Variants in E4F1 observed in about 807,000 individuals in gnomAD.
The protein encoded by E4F1 is transcription factor E4F1.
A neutral mutation model predicts 72.9 loss-of-function variants in E4F1; 30 were observed. The ratio of observed to expected loss-of-function variants is 0.41; its 90% CI spans 0.31 to 0.56. The LOEUF (loss-of-function observed/expected upper bound fraction) is 0.56. E4F1 is among the 20% of genes least tolerant of loss of function. E4F1 has a pLI of 0.25. For synonymous variants in E4F1, 542 were observed against 478.2 expected, an observed-to-expected ratio of 1.13 and a Z score of -1.74; for missense variants, 1,091 against 1,117.5, an observed-to-expected ratio of 0.98 and a Z score of 0.34.
chr16:2,229,704 T>G, intron 3 of E4F1, 29 bp downstream of exon 3: 1 of 1,608,270 alleles, frequency 6.2e-7, no homozygotes, highest in Non-Finnish European at 8.5e-7. Flanking sequence ...ATCGCTGGCC[T>G]GATAGACCTT....
Position 2,226,097 on chromosome 16 carries a change from GA to G in E4F1, c.158-2263del, listed in dbSNP as rs370894816. ...AACAAAGCGAGACTCCGCCTTGAAA[GA>G]AAAAAAAAAAAGATGCAGATTGGGT... On this transcript the variant is annotated intron_variant, in intron 1 of 13. Transcript: ENST00000301727. Among the ~76,000 whole-genome samples, 1,176 of 143,584 alleles carry G rather than the reference GA, an allele frequency of 8.2e-3. 8 individuals carry two copies. The highest frequency in any genetic ancestry group is 0.022 in the East Asian group (107 of 4,950). The allele number at this position is 143,584 out of a possible 152,430, so 94.2% of individuals were successfully genotyped here.
intron 1 of E4F1, among the ~76,000 whole-genome samples, chr16:2,226,222 G>C (rs1020476920): frequency 6.6e-6 from 1 of 152,130 alleles, no homozygotes; most frequent in Admixed American, 6.5e-5. Flanking sequence ...GCCCCTTCTC[G>C]TTCCAGCTTG....
chr16:2,235,701 AAG>A lies in E4F1; in HGVS notation c.*132_*133del. The A allele has an allele frequency of 1.3e-6, 1 of 751,452 alleles. No individual in the cohort carries two copies. Among genetic ancestry groups the A allele is most frequent in the East Asian group, 2.8e-5 (1 of 36,162 alleles). The allele number at this position is 751,452 out of a possible 1,614,324, so 46.5% of individuals were successfully genotyped here. On this transcript the variant is annotated 3_prime_UTR_variant, in exon 14 of 14. Transcript: ENST00000301727. The stretch of plus-strand genomic sequence containing the variant: ...GCGCCCCAAGACGGACAGTGTACAT[AAG>A]AGTTTCTTGTTGCTTTACAATAAAA...
chr16:2,225,817 T>C (rs1596752517), intron 1 of E4F1, among the ~76,000 whole-genome samples: 1 of 142,958 alleles, frequency 7.0e-6, no homozygotes, highest in Non-Finnish European at 1.5e-5. Flanking sequence ...AAAAAAAGGC[T>C]GGGCGCAATG....
In E4F1 at chr16:2,232,207, A is replaced by G; in HGVS notation, c.452A>G (p.Glu151Gly). 6.2e-7 allele frequency: 1 copy of G among 1,612,612 alleles called. No individual in the cohort carries two copies. The highest frequency in any genetic ancestry group is 8.5e-7 in the Non-Finnish European group (1 of 1,179,900). ...ATCAAAGAGGTCATCGTGGCTGCTG[A>G]GGCGGAGCTGGGAGACGGTGAGATG... is the stretch of plus-strand genomic sequence containing the variant. ...GHIKEVIVAA[E>G]AELGDGEMAE... The change falls in exon 4 of 14, where the codon GAG becomes GGG. Residue 151 changes from glutamate (E) to glycine (G), a missense_variant. By Grantham distance (98) the Glu-to-Gly change is moderately conservative. Transcript: ENST00000301727.
Position 2,235,666 on chromosome 16 carries a change from C to T in E4F1, c.*94C>T. On this transcript the variant is annotated 3_prime_UTR_variant, in exon 14 of 14. Transcript: ENST00000301727. Reference sequence around the variant, plus strand: ...GCCTGGCCTGGTAGAGAAGATGGCACAGGATGGAGGCGCCCCAAGACGGAC... The same window carrying T: ...GCCTGGCCTGGTAGAGAAGATGGCATAGGATGGAGGCGCCCCAAGACGGAC... The T allele has an allele frequency of 8.8e-7, 1 of 1,139,340 alleles. No individual in the cohort carries two copies. The highest frequency in any genetic ancestry group is 1.2e-6 in the Non-Finnish European group (1 of 820,046). 70.6% of individuals were successfully genotyped at this position (1,139,340 alleles called of 1,614,324 possible). A position where few individuals can be genotyped will look rare whatever the true frequency, so the allele number is the denominator to read the frequency against.
chr16:2,228,503 A>G lies in E4F1; in HGVS notation c.289A>G (p.Thr97Ala), dbSNP rs752025643. Reference sequence around the variant, plus strand: ...GGCCCTGCCTGCCACCCCTGCCACCACAGCGTTGCTGGGCCAGGAGGTGAG... The same window carrying G: ...GGCCCTGCCTGCCACCCCTGCCACCGCAGCGTTGCTGGGCCAGGAGGTGAG... ...PEALPATPATTALLGQEVVPA... is the reference protein window; with the variant it reads ...PEALPATPATAALLGQEVVPA... The change falls in exon 2 of 14, where the codon ACA becomes GCA. Residue 97 changes from threonine to alanine, a missense_variant. By Grantham distance (58) the Thr-to-Ala change is moderately conservative. Transcript: ENST00000301727. 10 of 1,612,854 alleles carry G rather than the reference A, an allele frequency of 6.2e-6. No homozygotes were observed. The highest frequency in any genetic ancestry group is 3.3e-5 in the Admixed American group (2 of 60,010).
rs1357954963 is a variant in E4F1 at position 2,228,422 on chromosome 16, T to G, written c.208T>G (p.Leu70Val). ...CGRCQAEFTALEDFVQHKIQK... is the reference protein window; with the variant it reads ...CGRCQAEFTAVEDFVQHKIQK... ...CCGCTGCCAGGCAGAGTTCACCGCCTTGGAGGATTTTGTTCAGCACAAGAT... is the reference window on the plus strand; with the variant it reads ...CCGCTGCCAGGCAGAGTTCACCGCCGTGGAGGATTTTGTTCAGCACAAGAT... The change falls in exon 2 of 14, where the codon TTG (leucine) becomes GTG (valine). Residue 70 changes from leucine (L) to valine (V), a missense_variant. Physicochemically the swap from Leu to Val is conservative, Grantham distance 32. Coordinates refer to ENST00000301727, the MANE Select transcript of E4F1 (RefSeq NM_004424.5). The G allele has an allele frequency of 2.5e-6, 4 of 1,613,714 alleles. No homozygotes were observed. Among genetic ancestry groups the G allele is most frequent in the Non-Finnish European group, 3.4e-6 (4 of 1,180,012 alleles).
chr16:2,223,923 C>T (rs1033733823), intron 1 of E4F1, 153 bp downstream of exon 1: 2 of 1,530,286 alleles, frequency 1.3e-6, no homozygotes, highest in South Asian at 1.2e-5. Flanking sequence ...CTCCACGAAA[C>T]CCCCAGGTTT....
In E4F1 at chr16:2,235,705, G is replaced by A. The variant is rs990311542; in HGVS notation, c.*133G>A. On this transcript the variant is annotated 3_prime_UTR_variant, in exon 14 of 14. Coordinates refer to ENST00000301727, the MANE Select transcript of E4F1 (RefSeq NM_004424.5). ...CCCAAGACGGACAGTGTACATAAGA[G>A]TTTCTTGTTGCTTTACAATAAAACA... The A allele has an allele frequency of 5.5e-6, 4 of 725,562 alleles. No homozygotes were observed. The Admixed American group carries it at 9.3e-5, about 17-fold the overall frequency. The allele number at this position is 725,562 out of a possible 1,614,324, so 44.9% of individuals were successfully genotyped here.
chr16:2,235,648 C>A lies in E4F1; in HGVS notation c.*76C>A. ...AGCGCCCCACCCATGCCTGCCTGGCCTGGTAGAGAAGATGGCACAGGATGG... is the reference window on the plus strand; with the variant it reads ...AGCGCCCCACCCATGCCTGCCTGGCATGGTAGAGAAGATGGCACAGGATGG... On this transcript the variant is annotated 3_prime_UTR_variant, in exon 14 of 14. Coordinates refer to ENST00000301727, the MANE Select transcript of E4F1 (RefSeq NM_004424.5). 2 of 1,315,662 alleles carry A rather than the reference C, an allele frequency of 1.5e-6. No homozygotes were observed. The highest frequency in any genetic ancestry group is 2.1e-6 in the Non-Finnish European group (2 of 973,524). 81.5% of individuals were successfully genotyped at this position (1,315,662 alleles called of 1,614,324 possible). A position where few individuals can be genotyped will look rare whatever the true frequency, so the allele number is the denominator to read the frequency against.
intron 2 of E4F1, 125 bp from the exon 3 acceptor site, chr16:2,229,445 G>A: frequency 1.0e-6 from 1 of 981,774 alleles, no homozygotes; most frequent in East Asian, 2.4e-5. Context: ...CAAGGACGTG[G>A]ACCCAGGCCT....
Position 2,235,620 on chromosome 16 carries a change from C to T in E4F1, c.*48C>T, listed in dbSNP as rs1056869. ...CCGGGCAGGGACAGGGCAGAGGACT[C>T]TGAGCGCCCCACCCATGCCTGCCTG... On this transcript the variant is annotated 3_prime_UTR_variant, in exon 14 of 14. Transcript: ENST00000301727. The T allele has an allele frequency of 2.0e-6, 3 of 1,484,832 alleles. No homozygotes were observed. The highest frequency in any genetic ancestry group is 2.7e-6 in the Non-Finnish European group (3 of 1,106,164). The allele number at this position is 1,484,832 out of a possible 1,614,324, so 92.0% of individuals were successfully genotyped here. A position where few individuals can be genotyped will look rare whatever the true frequency, so the allele number is the denominator to read the frequency against.
At chr16:2,228,610 C>T in intron 2 of E4F1, 87 bp downstream of exon 2, 4 of 1,500,928 alleles carry the variant, frequency 2.7e-6, no homozygotes, top group Non-Finnish European at 2.7e-6. Context: ...ACCTGTGCAG[C>T]CGGTTCCGGG....
In E4F1 at chr16:2,234,177, G is replaced by A. The variant is rs2093487388; in HGVS notation, c.1382G>A (p.Arg461Lys). Residue 461 changes from arginine to lysine, a missense_variant, in exon 10 of 14, where the codon AGG (arginine) becomes AAG (lysine). Arg to Lys is a conservative substitution (Grantham distance 26). Coordinates refer to ENST00000301727, the MANE Select transcript of E4F1 (RefSeq NM_004424.5). ...ATGCTGTGTGTGGCTGCAGGGCCGA[G>A]GCCGTTCGCCTGCGCGCAGTGTGGC... ...EAHKRGHTGP[R>K]PFACAQCGKA... The A allele has an allele frequency of 1.3e-5, 21 of 1,611,646 alleles. No individual in the cohort carries two copies. Among genetic ancestry groups the A allele is most frequent in the Non-Finnish European group, 1.7e-5 (20 of 1,179,644 alleles).
intron 1 of E4F1, among the ~76,000 whole-genome samples, chr16:2,224,432 A>G (rs2093419013): frequency 6.6e-6 from 1 of 152,304 alleles, no homozygotes; most frequent in African/African-American, 2.4e-5. Context: ...ACCAGTCCTG[A>G]CAGGTGGATG....
chr16:2,228,612 G>A (rs1324488906), intron 2 of E4F1, 89 bp downstream of exon 2: 18 of 1,484,350 alleles, frequency 1.2e-5, no homozygotes, highest in South Asian at 1.1e-4. Context: ...CTGTGCAGCC[G>A]GTTCCGGGGG....
In E4F1 at chr16:2,233,028, G is replaced by T. The variant is rs1261791542; in HGVS notation, c.901G>T (p.Ala301Ser). The T allele has an allele frequency of 6.2e-7, 1 of 1,608,276 alleles. No individual in the cohort carries two copies. The highest frequency in any genetic ancestry group is 1.7e-5 in the Admixed American group (1 of 59,924). Residue 301 changes from alanine (A) to serine (S), a missense_variant, in exon 7 of 14, where the codon GCC becomes TCC. By Grantham distance (99) the Ala-to-Ser change is moderately conservative. Around this residue, in one of 5 missense-constraint regions of E4F1, gnomAD observed 101 missense variants for 97.4 expected, o/e 1.04. Transcript: ENST00000301727. The part of the protein sequence containing the change: ...DARAGSGAGA[A>S]GLGTATSSVT... The stretch of plus-strand genomic sequence containing the variant: ...CCTTGAAGGTTCTGGAGCTGGAGCT[G>T]CCGGCTTGGGGACAGCCACATCATC...
chr16:2,233,837 G>C (rs1167791005), intron 8 of E4F1, 45 bp from the exon 9 acceptor site: 1 of 1,517,350 alleles, frequency 6.6e-7, no homozygotes, highest in Admixed American at 2.1e-5. Context: ...TACTGCCAGG[G>C]CACAGCCTGC....
Sources: allele counts gnomAD v4.1 joint callset (sites outside exome capture counted in the v4.1 genomes callset), GRCh38; gene constraint gnomAD v4.1.1; regional missense constraint gnomAD v4.1.1; transcripts MANE v1.5; gene names NCBI Gene and HGNC (gene_info 2026-07-23, HGNC 2026-07-21).